Variants in CTNND2 observed in about 807,000 individuals in gnomAD.
CTNND2 encodes the protein catenin delta 2.
A neutral mutation model predicts 144.4 loss-of-function variants in CTNND2; 22 were observed. The observed-to-expected ratio is 0.15, with a 90% CI of 0.11 to 0.22. The LOEUF is 0.22. CTNND2 is among the 10% of genes least tolerant of loss of function. CTNND2 has a pLI of 1.00. For synonymous variants in CTNND2, 751 were observed against 695.6 expected, an observed-to-expected ratio of 1.08 and a Z score of -1.25; for missense variants, 1,353 against 1,618.8, an observed-to-expected ratio of 0.84 and a Z score of 2.82.
intron 3 of CTNND2, among the ~76,000 whole-genome samples, chr5:11,513,046 G>A (rs1771807338): frequency 6.6e-6 from 1 of 152,106 alleles, no homozygotes; most frequent in Non-Finnish European, 1.5e-5. Context: ...AATCACAGCT[G>A]ACTTCATTTT....
At chr5:11,220,853 G>A (rs1429672177) in intron 10 of CTNND2, among the ~76,000 whole-genome samples, 1 of 152,148 alleles carries the variant, frequency 6.6e-6, no homozygotes, top group Non-Finnish European at 1.5e-5. Context: ...TCAATTGCAA[G>A]ATTCTTTCAA....
rs1039481260 is a variant in CTNND2 at position 11,479,531 on chromosome 5, C to T, written c.288-67462G>A. Among the ~76,000 whole-genome samples, 9 of 152,086 alleles carry T rather than the reference C, an allele frequency of 5.9e-5. No homozygotes were observed. In the East Asian group the frequency reaches 9.6e-4, roughly 16 times the overall value. On this transcript the variant is annotated intron_variant, in intron 3 of 21. Transcript: ENST00000304623. ...TATACACCTAGTAATAAGATTGCTG[C>T]GTCCAATGGTAGTTCTATTTTTAGC... is the stretch of plus-strand genomic sequence containing the variant.
intron 1 of CTNND2, among the ~76,000 whole-genome samples, chr5:11,753,122 A>G (rs1286152727): frequency 6.6e-6 from 1 of 151,842 alleles, no homozygotes; most frequent in African/African-American, 2.4e-5. Context: ...TATTGTCTGC[A>G]AGCAGAGAAA....
At chr5:11,305,965 G>A (rs1750154801) in intron 9 of CTNND2, among the ~76,000 whole-genome samples, 1 of 152,212 alleles carries the variant, frequency 6.6e-6, no homozygotes, top group Non-Finnish European at 1.5e-5. Flanking sequence ...CCATATGCAA[G>A]AGAAACAGTG....
intron 7 of CTNND2, among the ~76,000 whole-genome samples, chr5:11,377,781 C>G (rs538747698): frequency 6.6e-6 from 1 of 152,126 alleles, no homozygotes; most frequent in Non-Finnish European, 1.5e-5. Flanking sequence ...ACTTGCCATA[C>G]GGGAGTGTTA....
At chr5:11,499,482 T>G (rs139604219) in intron 3 of CTNND2, among the ~76,000 whole-genome samples, 57 of 152,322 alleles carry the variant, frequency 3.7e-4, no homozygotes, top group African/African-American at 1.3e-3. Flanking sequence ...CTTTGGTATA[T>G]CCATTACCAA....
intron 8 of CTNND2, among the ~76,000 whole-genome samples, chr5:11,350,554 T>C (rs943566075): frequency 1.3e-5 from 2 of 152,166 alleles, no homozygotes; most frequent in South Asian, 2.1e-4. Flanking sequence ...TTTAGAACTG[T>C]CATTCCCAAA....
intron 1 of CTNND2, among the ~76,000 whole-genome samples, chr5:11,781,042 C>G (rs1456422276): frequency 2.6e-5 from 4 of 152,188 alleles, no homozygotes; most frequent in Non-Finnish European, 5.9e-5. Context: ...ACTTTACTTT[C>G]CTTTTAAAGG....
intron 3 of CTNND2, among the ~76,000 whole-genome samples, chr5:11,463,606 C>A (rs1300808446): frequency 6.6e-6 from 1 of 151,498 alleles, no homozygotes; most frequent in Non-Finnish European, 1.5e-5. Flanking sequence ...GCCAAGAGTG[C>A]GGTATGATAA....
chr5:11,546,605 T>C (rs1378026503), intron 3 of CTNND2, among the ~76,000 whole-genome samples: 1 of 152,174 alleles, frequency 6.6e-6, no homozygotes, highest in Non-Finnish European at 1.5e-5. Flanking sequence ...GATGTCTCTT[T>C]TTTAAAAAAA....
intron 3 of CTNND2, among the ~76,000 whole-genome samples, chr5:11,514,094 G>A (rs1009809393): frequency 2.5e-3 from 2 of 788 alleles, no homozygotes; most frequent in Non-Finnish European, 0.077. Context: ...GCTGAGAGGG[G>A]AGGACGCTTG....
At chr5:11,479,445 T>G (rs1768044290) in intron 3 of CTNND2, among the ~76,000 whole-genome samples, 1 of 152,226 alleles carries the variant, frequency 6.6e-6, no homozygotes, top group Non-Finnish European at 1.5e-5. Context: ...TTGTGAATAG[T>G]GCTGCAATGA....
chr5:11,450,703 T>C (rs939581854), intron 3 of CTNND2, among the ~76,000 whole-genome samples: 2 of 151,896 alleles, frequency 1.3e-5, no homozygotes, highest in Admixed American at 1.3e-4. Context: ...ATCGAGACCA[T>C]CCTGGCTAAC....
intron 9 of CTNND2, among the ~76,000 whole-genome samples, chr5:11,321,375 A>G (rs1322154763): frequency 6.6e-6 from 1 of 152,200 alleles, no homozygotes. Flanking sequence ...GATCACCTCC[A>G]TGATTTGCTT....
At chr5:11,501,323 T>G (rs1175011555) in intron 3 of CTNND2, among the ~76,000 whole-genome samples, 1 of 152,186 alleles carries the variant, frequency 6.6e-6, no homozygotes, top group Non-Finnish European at 1.5e-5. Flanking sequence ...TTCAGGATTA[T>G]CTCTCTCCAG....
At chr5:11,562,153 T>C (rs189670067) in intron 3 of CTNND2, among the ~76,000 whole-genome samples, 27 of 152,336 alleles carry the variant, frequency 1.8e-4, no homozygotes, top group African/African-American at 6.5e-4. Context: ...TTCTACCTCT[T>C]ATATACAAAT....
intron 2 of CTNND2, among the ~76,000 whole-genome samples, chr5:11,711,943 T>C (rs924735004): frequency 5.3e-5 from 8 of 152,220 alleles, no homozygotes; most frequent in African/African-American, 9.6e-5. Context: ...TAAGTCCTCA[T>C]TGATAATTAG....
intron 9 of CTNND2, among the ~76,000 whole-genome samples, chr5:11,331,564 A>G (rs1753142926): frequency 1.3e-5 from 2 of 152,074 alleles, no homozygotes; most frequent in African/African-American, 4.8e-5. Context: ...TTTTTTATTT[A>G]TTTCCTAGTT....
chr5:11,355,774 TG>T (rs1348731110), intron 8 of CTNND2, among the ~76,000 whole-genome samples: 1 of 152,064 alleles, frequency 6.6e-6, no homozygotes, highest in East Asian at 1.9e-4. Flanking sequence ...ATCATATAAA[TG>T]GGCAGCCCTA....
Sources: allele counts gnomAD v4.1 joint callset (sites outside exome capture counted in the v4.1 genomes callset), GRCh38; gene constraint gnomAD v4.1.1; transcripts MANE v1.5; gene names NCBI Gene and HGNC (gene_info 2026-07-23, HGNC 2026-07-21).